The following PTAFR variants were observed in gnomAD, a reference collection of about 807,000 sequenced individuals.
PTAFR encodes platelet-activating factor receptor.
Under a neutral mutation model 14.7 loss-of-function variants are expected in PTAFR, and 8 were observed. The ratio of observed to expected loss-of-function variants is 0.54; its 90% confidence interval spans 0.32 to 0.98. The LOEUF (loss-of-function observed/expected upper bound fraction) is 0.98. Ranked by LOEUF, PTAFR falls within the 50% of genes least tolerant of loss-of-function variation. The pLI, the probability that PTAFR is intolerant of heterozygous loss-of-function variation, is 0.04. For missense variants in PTAFR, 337 were observed against 451.2 expected, an observed-to-expected ratio of 0.75 and a Z score of 2.29; for synonymous variants, 156 against 176.5, an observed-to-expected ratio of 0.88 and a Z score of 0.92.
intron 1 of PTAFR, among the ~76,000 whole-genome samples, chr1:28,155,939 A>T (rs1338907343): frequency 1.3e-5 from 2 of 152,018 alleles, no homozygotes; most frequent in Non-Finnish European, 2.9e-5. Context: ...TTAAGAAACT[A>T]CTATATGCGG....
rs1335885947 is a variant in PTAFR at position 28,149,851 on chromosome 1, T to C, written c.*142A>G. 1.7e-6 allele frequency: 2 copies of C among 1,146,858 alleles called. No individual in the cohort carries two copies. Among genetic ancestry groups the C allele is most frequent in the South Asian group, 1.6e-5 (1 of 64,104 alleles). The allele number at this position is 1,146,858 out of a possible 1,614,324, so 71.0% of individuals were successfully genotyped here. A position where few individuals can be genotyped will look rare whatever the true frequency, so the allele number is the denominator to read the frequency against. On this transcript the variant is annotated 3_prime_UTR_variant, in exon 2 of 2. Coordinates refer to ENST00000373857, the MANE Select transcript of PTAFR (RefSeq NM_000952.5). The stretch of plus-strand genomic sequence containing the variant: ...AACAGCCTGGCTCTGCCATCATCCC[T>C]GCCCAGGTGAGGTAGCCTCCAAATC...
At chr1:28,178,647 C>G (rs1438382211), upstream of PTAFR, among the ~76,000 whole-genome samples, 1 of 151,888 alleles carries the variant, frequency 6.6e-6, no homozygotes, top group Admixed American at 6.6e-5. Flanking sequence ...CCCCCCATCA[C>G]ACACAGGCAG....
chr1:28,163,740 G>A (rs943642795), intron 1 of PTAFR, among the ~76,000 whole-genome samples: 1 of 152,192 alleles, frequency 6.6e-6, no homozygotes, highest in Non-Finnish European at 1.5e-5. Context: ...TTGGAGCCAG[G>A]GGAGGGGACT....
intron 1 of PTAFR, among the ~76,000 whole-genome samples, chr1:28,159,141 T>C (rs1028730380): frequency 6.6e-6 from 1 of 152,074 alleles, no homozygotes; most frequent in African/African-American, 2.4e-5. Flanking sequence ...AGGAACAGCA[T>C]GAGGGCAGGG....
intron 1 of PTAFR, among the ~76,000 whole-genome samples, chr1:28,152,109 C>T (rs1323712107): frequency 6.6e-6 from 1 of 152,190 alleles, no homozygotes; most frequent in East Asian, 1.9e-4. Context: ...GTTGCCCATG[C>T]TGTTCTCGAA....
chr1:28,151,182 T>TA, intron 1 of PTAFR, 123 bp from the exon 2 acceptor site: 1 of 606,846 alleles, frequency 1.6e-6, no homozygotes, highest in Non-Finnish European at 2.8e-6. Flanking sequence ...TCATGTTGAA[T>TA]CTTTTTTTTT....
intron 1 of PTAFR, among the ~76,000 whole-genome samples, chr1:28,151,283 G>T (rs1362827112): frequency 6.6e-6 from 1 of 151,840 alleles, no homozygotes; most frequent in Non-Finnish European, 1.5e-5. Context: ...GGGTTCAAGC[G>T]ATTCTCCTGC....
rs941645113 is a variant in PTAFR, at chr1:28,148,992, C to T, written c.*1001G>A. ...TGAGACAGAAAGAGGAGGTGGGCAT[C>T]TCCTTCCCACTCCCCCAGAGCTGAC... On this transcript the variant is annotated 3_prime_UTR_variant, in exon 2 of 2. Transcript: ENST00000373857. The T allele has an allele frequency of 1.3e-5, 2 of 152,278 alleles. No individual in the cohort carries two copies. The highest frequency in any genetic ancestry group is 6.5e-5 in the Admixed American group (1 of 15,280). 9.4% of individuals were successfully genotyped at this position (152,278 alleles called of 1,614,324 possible).
intron 1 of PTAFR, among the ~76,000 whole-genome samples, chr1:28,171,980 C>G (rs1191790947): frequency 6.6e-6 from 1 of 151,988 alleles, no homozygotes; most frequent in Non-Finnish European, 1.5e-5. Context: ...CTGGGCACAT[C>G]ATGCCTCTGT....
chr1:28,164,896 G>A lies in PTAFR; in HGVS notation c.-39+11696C>T, dbSNP rs182993833. On this transcript the variant is annotated intron_variant, in intron 1 of 1. Transcript: ENST00000373857. ...AAAGCTGGGAAGGGAATGCGACAAA[G>A]GGATGGCATGACCTGCTCTGTATCC... Among the ~76,000 whole-genome samples, 27 of 152,322 alleles carry A rather than the reference G, an allele frequency of 1.8e-4. No individual in the cohort carries two copies. The East Asian group carries it at 5.2e-3, about 29-fold the overall frequency.
intron 1 of PTAFR, among the ~76,000 whole-genome samples, chr1:28,166,363 A>C (rs1310704106): frequency 6.6e-6 from 1 of 152,164 alleles, no homozygotes; most frequent in Non-Finnish European, 1.5e-5. Flanking sequence ...AAAACTCCTC[A>C]AAGAAAACAT....
intron 1 of PTAFR, among the ~76,000 whole-genome samples, chr1:28,189,470 G>A (rs980865604): frequency 1.3e-5 from 2 of 151,512 alleles, no homozygotes; most frequent in East Asian, 2.0e-4. Flanking sequence ...AAAATTAGCC[G>A]GGCATGGTGG....
rs549359981 is a variant in PTAFR, at chr1:28,184,700, T to G, written c.-39+9022A>C. Among the ~76,000 whole-genome samples, 19 of 152,052 alleles carry G rather than the reference T, an allele frequency of 1.2e-4. No homozygotes were observed. The South Asian group carries it at 3.9e-3, about 32-fold the overall frequency. On this transcript the variant is annotated intron_variant, in intron 1 of 1. Coordinates refer to the PTAFR transcript ENST00000305392. ...TGTTGCCCAGGCTGGAGTTCAGTAGTGCAATCTCAGCTCACTGCAACCTCC... is the reference window on the plus strand; with the variant it reads ...TGTTGCCCAGGCTGGAGTTCAGTAGGGCAATCTCAGCTCACTGCAACCTCC...
chr1:28,172,218 GCTGGC>G, intron 1 of PTAFR, among the ~76,000 whole-genome samples: 1 of 152,280 alleles, frequency 6.6e-6, no homozygotes. Context: ...TTTTCACCAT[GCTGGC>G]CAGGCTGGTC....
At chr1:28,171,351 G>A (rs1193950609) in intron 1 of PTAFR, among the ~76,000 whole-genome samples, 1 of 151,898 alleles carries the variant, frequency 6.6e-6, no homozygotes, top group Admixed American at 6.6e-5. Context: ...GACCTCACAG[G>A]ATAGCCCTGA....
intron 1 of PTAFR, among the ~76,000 whole-genome samples, chr1:28,184,082 GTTTTTTTTTTTTTTTTT>G (rs1165813776): frequency 1.2e-5 from 1 of 82,408 alleles, no homozygotes; most frequent in African/African-American, 5.0e-5. Context: ...CCATTAGTCT[GTTTTTTTTTTTTTTTTT>G]TTTTTTTTTT....
chr1:28,164,451 A>T (rs1233227817), intron 1 of PTAFR, among the ~76,000 whole-genome samples: 1 of 152,110 alleles, frequency 6.6e-6, no homozygotes, highest in Non-Finnish European at 1.5e-5. Flanking sequence ...TCTTGGATCC[A>T]AGTACTCCTT....
At chr1:28,184,545 C>T (rs1295375547) in intron 1 of PTAFR, among the ~76,000 whole-genome samples, 1 of 152,222 alleles carries the variant, frequency 6.6e-6, no homozygotes, top group Non-Finnish European at 1.5e-5. Context: ...AAGACCTCAC[C>T]TCATCTCCTA....
At chr1:28,181,033 G>A (rs890305844), upstream of PTAFR, among the ~76,000 whole-genome samples, 7 of 151,964 alleles carry the variant, frequency 4.6e-5, no homozygotes, top group Non-Finnish European at 7.4e-5. Context: ...GCAGTGGCGC[G>A]ATCTCAGTCT....
Sources: gnomAD v4.1 joint callset for allele counts (sites outside exome capture counted in the v4.1 genomes callset) on GRCh38, gnomAD v4.1.1 for gene constraint, MANE v1.5 for transcripts, NCBI Gene and HGNC (gene_info 2026-07-23, HGNC 2026-07-21) for gene names.